The following CSMD1 variants were observed in gnomAD, a reference collection of about 807,000 sequenced individuals.
The protein encoded by CSMD1 is CUB and Sushi multiple domains 1.
Under a neutral mutation model 417.5 loss-of-function variants are expected in CSMD1, and 213 were observed. The observed-to-expected ratio is 0.51, with a 90% CI of 0.46 to 0.57. The LOEUF is 0.57. CSMD1 is among the 20% of genes least tolerant of loss of function. CSMD1 has a pLI of 0.00. For missense variants in CSMD1, 6,923 were observed against 4,529.7 expected (o/e 1.53, Z -15.17); for synonymous variants, 2,862 against 1,736.8 (o/e 1.65, Z -16.11).
chr8:4,406,375 T>C (rs1805021916), intron 3 of CSMD1, among the ~76,000 whole-genome samples: 1 of 152,114 alleles, frequency 6.6e-6, no homozygotes, highest in Admixed American at 6.6e-5. Context: ...GACAATTAGA[T>C]GATTCATGAA....
chr8:3,489,149 C>T (rs1818224579), intron 11 of CSMD1, among the ~76,000 whole-genome samples: 1 of 152,126 alleles, frequency 6.6e-6, no homozygotes, highest in South Asian at 2.1e-4. Flanking sequence ...CCCTTTGACT[C>T]AGGATCAGCA....
At chr8:3,643,775 G>C (rs1797434492) in intron 7 of CSMD1, among the ~76,000 whole-genome samples, 1 of 149,350 alleles carries the variant, frequency 6.7e-6, no homozygotes, top group East Asian at 2.0e-4. Flanking sequence ...TAGAGTCATT[G>C]TTCACCCACC....
intron 7 of CSMD1, among the ~76,000 whole-genome samples, chr8:3,644,399 G>A (rs1371224513): frequency 6.6e-6 from 1 of 152,188 alleles, no homozygotes. Flanking sequence ...AGAAGCCCTG[G>A]AAGCCTCGCA....
At chr8:4,162,420 C>G (rs1005664889) in intron 3 of CSMD1, among the ~76,000 whole-genome samples, 2 of 152,030 alleles carry the variant, frequency 1.3e-5, no homozygotes, top group African/African-American at 2.4e-5. Flanking sequence ...TATAGTGTAA[C>G]TGATAAAATA....
chr8:3,962,573 A>T (rs956027284), intron 5 of CSMD1, among the ~76,000 whole-genome samples: 2 of 152,122 alleles, frequency 1.3e-5, no homozygotes, highest in African/African-American at 4.8e-5. Flanking sequence ...TCACACGAGG[A>T]GTAAGCAATG....
At chr8:4,225,309 T>G (rs1005990904) in intron 3 of CSMD1, among the ~76,000 whole-genome samples, 28 of 152,180 alleles carry the variant, frequency 1.8e-4, no homozygotes, top group African/African-American at 6.8e-4. Context: ...CTTTCTTTTC[T>G]GAATCATCGA....
In CSMD1 at chr8:3,308,913, C is replaced by T. The variant is rs182593458; in HGVS notation, c.3632-410G>A. On this transcript the variant is annotated intron_variant, in intron 23 of 69. Coordinates refer to ENST00000635120, the MANE Select transcript of CSMD1 (RefSeq NM_033225.6). ...TAATTTTTTGTATTTTTAGTAGAGA[C>T]GGGGTTTCACTATGTTGGCCAGGCT... Among the ~76,000 whole-genome samples, 474 of 151,834 alleles carry T rather than the reference C, an allele frequency of 3.1e-3. 2 individuals carry two copies. Among genetic ancestry groups the T allele is most frequent in the Non-Finnish European group, 5.2e-3 (354 of 67,904 alleles).
chr8:3,304,374 GTACAATTTTAAGTACATGATA>G (rs1383248864), intron 25 of CSMD1, among the ~76,000 whole-genome samples: 2 of 152,024 alleles, frequency 1.3e-5, no homozygotes, highest in East Asian at 3.9e-4. Flanking sequence ...CTGAGTATTA[GTACAATTTTAAGTACATGATA>G]TACAATTTTA....
At chr8:4,617,765 T>C (rs1160732565) in intron 2 of CSMD1, among the ~76,000 whole-genome samples, 1 of 152,100 alleles carries the variant, frequency 6.6e-6, no homozygotes, top group African/African-American at 2.4e-5. Flanking sequence ...CATTCCTCAT[T>C]ATTAGAAAGT....
chr8:4,373,326 G>C (rs531416539), intron 3 of CSMD1, among the ~76,000 whole-genome samples: 18 of 152,304 alleles, frequency 1.2e-4, no homozygotes, highest in South Asian at 2.1e-4. Context: ...AAGAAAGTAT[G>C]CGACATAGGA....
rs1217673 is a variant in CSMD1 at position 4,460,449 on chromosome 8, C to T, written c.303-40384G>A. Among the ~76,000 whole-genome samples, 1,081 of 152,014 alleles carry T rather than the reference C, an allele frequency of 7.1e-3. 13 individuals are homozygous for T. The highest frequency in any genetic ancestry group is 0.023 in the African/African-American group (967 of 41,462). On this transcript the variant is annotated intron_variant, in intron 2 of 69. Coordinates refer to ENST00000635120, the MANE Select transcript of CSMD1 (RefSeq NM_033225.6). ...CTGGAAAAAGTACAAGCTAAACTTA[C>T]GGTAAGCAGAATAACAAATATTCTA... is the stretch of plus-strand genomic sequence containing the variant.
At chr8:4,826,633 C>A (rs1257307533) in intron 1 of CSMD1, among the ~76,000 whole-genome samples, 1 of 152,092 alleles carries the variant, frequency 6.6e-6, no homozygotes, top group Non-Finnish European at 1.5e-5. Flanking sequence ...GGAGAAATTG[C>A]TGCAGGCACT....
intron 1 of CSMD1, among the ~76,000 whole-genome samples, chr8:4,749,034 CTGTGTGTGTGTGCCTGTGTGCG>C (rs1484078691): frequency 1.3e-5 from 2 of 149,496 alleles, no homozygotes; most frequent in African/African-American, 5.1e-5. Context: ...TGACCCAAAA[CTGTGTGTGTGTGCCTGTGTGCG>C]TGTGTGTGTG....
chr8:3,253,218 G>C (rs1039509645), intron 26 of CSMD1, among the ~76,000 whole-genome samples: 2 of 151,602 alleles, frequency 1.3e-5, no homozygotes, highest in African/African-American at 4.9e-5. Flanking sequence ...CAGAGATTCT[G>C]GTATGTTGTG....
chr8:4,086,984 C>T (rs781021722), intron 3 of CSMD1, among the ~76,000 whole-genome samples: 1 of 152,182 alleles, frequency 6.6e-6, no homozygotes, highest in Non-Finnish European at 1.5e-5. Context: ...GCTTCTGTTT[C>T]CTCATTTACA....
chr8:3,961,776 G>T (rs535754014), intron 5 of CSMD1, among the ~76,000 whole-genome samples: 14 of 152,166 alleles, frequency 9.2e-5, no homozygotes, highest in African/African-American at 3.4e-4. Context: ...CATCAGCTTT[G>T]ATAATGGTGC....
chr8:3,653,763 G>T (rs1797971909), intron 7 of CSMD1, among the ~76,000 whole-genome samples: 1 of 152,080 alleles, frequency 6.6e-6, no homozygotes, highest in Non-Finnish European at 1.5e-5. Flanking sequence ...TTACACAGTG[G>T]GTCCCCAAAA....
chr8:4,559,417 G>A (rs17416235), intron 2 of CSMD1, among the ~76,000 whole-genome samples: 12,457 of 152,116 alleles, frequency 0.082, 655 homozygotes, highest in South Asian at 0.12. Flanking sequence ...CTGAACCATG[G>A]CATTTGGAGG....
chr8:4,577,020 T>C (rs1799169376), intron 2 of CSMD1, among the ~76,000 whole-genome samples: 1 of 152,198 alleles, frequency 6.6e-6, no homozygotes, highest in Admixed American at 6.5e-5. Flanking sequence ...ATATTAGATC[T>C]TGAATTTTTA....
Sources: allele counts gnomAD v4.1 joint callset (sites outside exome capture counted in the v4.1 genomes callset), GRCh38; gene constraint gnomAD v4.1.1; transcripts MANE v1.5; gene names NCBI Gene and HGNC (gene_info 2026-07-23, HGNC 2026-07-21).